The following DNM3 variants were observed in gnomAD, a reference collection of about 807,000 sequenced individuals.
DNM3 encodes the protein dynamin 3.
Under a neutral mutation model 101.6 loss-of-function variants are expected in DNM3, and 47 were observed. The observed-to-expected ratio is 0.46, with a 90% CI of 0.37 to 0.59. The LOEUF is 0.59. Among genes scored for constraint, DNM3 ranks in the 20% least tolerant of loss-of-function variants. The pLI is 0.00. For synonymous variants in DNM3, 385 were observed against 387.9 expected, an observed-to-expected ratio of 0.99 and a Z score of 0.09; for missense variants, 849 against 1,085.7, an observed-to-expected ratio of 0.78 and a Z score of 3.06.
At chr1:171,921,896 T>G (rs532097667) in intron 2 of DNM3, 75 bp downstream of exon 2, 1 of 1,362,060 alleles carries the variant, frequency 7.3e-7, no homozygotes, top group African/African-American at 1.4e-5. Context: ...TGTGGGATTG[T>G]ACAAATAGAA....
chr1:172,316,000 T>C (rs550495070), intron 16 of DNM3, among the ~76,000 whole-genome samples: 1 of 152,230 alleles, frequency 6.6e-6, no homozygotes, highest in African/African-American at 2.4e-5. Flanking sequence ...AAGGTCGGGT[T>C]ACCCACAAAG....
intron 14 of DNM3, among the ~76,000 whole-genome samples, chr1:172,236,489 G>T (rs940916487): frequency 3.3e-5 from 5 of 152,036 alleles, no homozygotes; most frequent in Non-Finnish European, 5.9e-5. Context: ...AATAAGAAAA[G>T]AATCTGCGAT....
At position 172,130,778 on chromosome 1, in the gene DNM3, G is replaced by A. The variant is rs556175458; in HGVS notation, c.1546-397G>A. Among the ~76,000 whole-genome samples, 194 of 152,244 alleles carry A rather than the reference G, an allele frequency of 1.3e-3. 1 individual carries two copies. Among genetic ancestry groups the A allele is most frequent in the African/African-American group, 4.5e-3 (187 of 41,538 alleles). On this transcript the variant is annotated intron_variant, in intron 13 of 20. Coordinates refer to ENST00000627582, the MANE Select transcript of DNM3 (RefSeq NM_015569.5). ...GGGCTGCAAACTAGGCAAACAAATGGGCCAGTAGGCTGGAAGTGGGGAAGG... is the reference window on the plus strand; with the variant it reads ...GGGCTGCAAACTAGGCAAACAAATGAGCCAGTAGGCTGGAAGTGGGGAAGG...
intron 1 of DNM3, among the ~76,000 whole-genome samples, chr1:171,881,908 A>G (rs939770063): frequency 7.9e-5 from 12 of 152,246 alleles, no homozygotes; most frequent in Non-Finnish European, 1.8e-4. Context: ...TTTAGGAACT[A>G]AATCCTAGAA....
intron 1 of DNM3, among the ~76,000 whole-genome samples, chr1:171,912,443 T>G (rs190944708): frequency 6.6e-6 from 1 of 152,170 alleles, no homozygotes; most frequent in Non-Finnish European, 1.5e-5. Flanking sequence ...CTCTCTCTTT[T>G]TCTTTGTCTC....
At chr1:172,034,491 G>A (rs2048824840) in intron 6 of DNM3, among the ~76,000 whole-genome samples, 1 of 152,026 alleles carries the variant, frequency 6.6e-6, no homozygotes, top group South Asian at 2.1e-4. Flanking sequence ...AATGAGTTAG[G>A]TTTTGAATAC....
At chr1:172,284,594 G>T (rs191954190) in intron 15 of DNM3, among the ~76,000 whole-genome samples, 9 of 152,202 alleles carry the variant, frequency 5.9e-5, no homozygotes, top group African/African-American at 1.9e-4. Flanking sequence ...AATAAATCAA[G>T]AAATGAATAC....
intron 4 of DNM3, among the ~76,000 whole-genome samples, chr1:171,992,612 C>A (rs1403126258): frequency 6.6e-6 from 1 of 152,022 alleles, no homozygotes; most frequent in Non-Finnish European, 1.5e-5. Context: ...TTTTGTGGAT[C>A]ATTAGAACTG....
In DNM3 at chr1:172,111,668, G is replaced by T. The variant is rs1209891685; in HGVS notation, c.1545+18793G>T. Among the ~76,000 whole-genome samples the T allele has an allele frequency of 2.0e-5, 3 of 152,262 alleles. No individual in the cohort carries two copies. The Middle Eastern group carries it at 0.01, about 518-fold the overall frequency. On this transcript the variant is annotated intron_variant, in intron 13 of 20. Transcript: ENST00000627582. ...ATCTTATTGGGAAAATGGGAGCACA[G>T]CAAACACAGTGGCGAGTAATTCAAA...
intron 6 of DNM3, among the ~76,000 whole-genome samples, chr1:172,036,073 T>C (rs576275603): frequency 1.7e-4 from 25 of 150,676 alleles, no homozygotes. Context: ...GTTACATATG[T>C]ATACATGTGC....
chr1:172,162,984 C>T (rs993068524), intron 14 of DNM3, among the ~76,000 whole-genome samples: 4 of 152,054 alleles, frequency 2.6e-5, no homozygotes, highest in Non-Finnish European at 5.9e-5. Flanking sequence ...TCTGCCTATT[C>T]ATGAAAGCAG....
rs370136489 is a variant in DNM3, at chr1:172,131,231, G to A, written c.1602G>A (p.Ser534=). Residue 534 remains serine, a synonymous_variant, in exon 14 of 21, where the codon TCG becomes TCA. Transcript: ENST00000627582. ...ACATTGGCATCATGAAAGGCGGCTC[G>A]AAGGGATACTGGTTCGTCCTTACTG... The part of the protein sequence containing the change: ...ISNIGIMKGG[S]KGYWFVLTAE... The A allele has an allele frequency of 4.4e-5, 71 of 1,613,410 alleles. No homozygotes were observed. The East Asian group carries it at 9.4e-4, about 21-fold the overall frequency.
intron 4 of DNM3, among the ~76,000 whole-genome samples, chr1:172,029,601 A>G (rs2048458032): frequency 6.6e-6 from 1 of 152,228 alleles, no homozygotes; most frequent in African/African-American, 2.4e-5. Flanking sequence ...AAATAGGAAG[A>G]GAGGAAGTGA....
intron 13 of DNM3, among the ~76,000 whole-genome samples, chr1:172,115,889 T>C (rs1463348117): frequency 1.3e-5 from 2 of 152,208 alleles, no homozygotes; most frequent in East Asian, 1.9e-4. Context: ...TATAATTATA[T>C]GGTTATTGTC....
At chr1:172,119,194 A>T (rs901073439) in intron 13 of DNM3, among the ~76,000 whole-genome samples, 3 of 151,650 alleles carry the variant, frequency 2.0e-5, no homozygotes, top group Non-Finnish European at 4.4e-5. Context: ...GTTTATCCAT[A>T]TTGGTGAGGC....
chr1:172,054,423 C>G (rs1321358942), intron 10 of DNM3, among the ~76,000 whole-genome samples: 1 of 152,178 alleles, frequency 6.6e-6, no homozygotes, highest in Non-Finnish European at 1.5e-5. Flanking sequence ...CTCTTTTCAG[C>G]TGCTTTCCTT....
At chr1:172,326,209 A>C (rs750476020) in intron 17 of DNM3, among the ~76,000 whole-genome samples, 5 of 151,886 alleles carry the variant, frequency 3.3e-5, no homozygotes, top group African/African-American at 1.2e-4. Flanking sequence ...TGAAAAGCAC[A>C]TTTTCCTTTT....
chr1:172,391,952 C>CT (rs2069561507), intron 20 of DNM3, among the ~76,000 whole-genome samples: 1 of 152,178 alleles, frequency 6.6e-6, no homozygotes, highest in African/African-American at 2.4e-5. Context: ...ATGATCTTGA[C>CT]TTTTAAGAGC....
rs61620821 is a variant in DNM3 at position 172,027,585 on chromosome 1, A to AACAC, written c.590-4787_590-4784dup. Among the ~76,000 whole-genome samples, 850 of 141,502 alleles carry AACAC rather than the reference A, an allele frequency of 6.0e-3. 3 individuals are homozygous for AACAC. Among genetic ancestry groups the AACAC allele is most frequent in the East Asian group, 8.4e-3 (40 of 4,750 alleles). 92.8% of individuals were successfully genotyped at this position (141,502 alleles called of 152,430 possible). ...GACAGAGCAAGACTCTGTCTCAAGA[A>AACAC]ACACACACACACACACACACACACA... is the stretch of plus-strand genomic sequence containing the variant. On this transcript the variant is annotated intron_variant, in intron 4 of 20. Transcript: ENST00000627582.
Sources: allele counts gnomAD v4.1 joint callset (sites outside exome capture counted in the v4.1 genomes callset), GRCh38; gene constraint gnomAD v4.1.1; transcripts MANE v1.5; gene names NCBI Gene and HGNC (gene_info 2026-07-23, HGNC 2026-07-21).